MYO7B: variants seen among roughly 807,000 people sequenced by gnomAD.
MYO7B encodes unconventional myosin-VIIb.
In MYO7B, 212 loss-of-function variants were observed where a neutral mutation model predicts 259.7. The ratio of observed to expected loss-of-function variants is 0.82; its 90% CI spans 0.73 to 0.91. The LOEUF is 0.91. Among genes scored for constraint, MYO7B ranks in the 40% least tolerant of loss-of-function variants. The pLI is 0.00. For missense variants in MYO7B, 2,732 were observed against 2,813.5 expected (o/e 0.97, Z 0.66); for synonymous variants, 1,197 against 1,166.4 (o/e 1.03, Z -0.54).
rs1053100122 is a variant in MYO7B at position 127,623,230 on chromosome 2, T to A, written c.3674T>A (p.Ile1225Asn). ...GTCAAGTCCAAGAAGCACATCCCCATCCAAGTCATCTTGGCCACTGGAGAG... is the reference window on the plus strand; with the variant it reads ...GTCAAGTCCAAGAAGCACATCCCCAACCAAGTCATCTTGGCCACTGGAGAG... ...QAVKSKKHIP[I>N]QVILATGESL... The change falls in exon 29 of 48, where the codon ATC becomes AAC. Residue 1225 changes from isoleucine to asparagine, a missense_variant. This residue lies in a region of MYO7B where 1,906 missense variants were observed against 2,026.4 expected (regional missense o/e 0.94). Coordinates refer to ENST00000409816, the MANE Select transcript of MYO7B (RefSeq NM_001393586.1). 3.1e-6 allele frequency: 5 copies of A among 1,613,458 alleles called. No homozygotes were observed. The highest frequency in any genetic ancestry group is 4.2e-6 in the Non-Finnish European group (5 of 1,179,774).
rs1255180494 is a variant in MYO7B, at chr2:127,596,400, C to T, written c.2245-62C>T. On this transcript the variant is annotated intron_variant, in intron 18 of 47. Coordinates refer to ENST00000409816, the MANE Select transcript of MYO7B (RefSeq NM_001393586.1). ...CTACCTTCGGGAGACAGAGCCCTGG[C>T]CCCAGGCAGGGGCTGTAGGGTGAGG... 5 of 1,361,114 alleles carry T rather than the reference C, an allele frequency of 3.7e-6. No homozygotes were observed. In the African/African-American group the frequency reaches 5.7e-5, roughly 16 times the overall value. 84.3% of individuals were successfully genotyped at this position (1,361,114 alleles called of 1,614,324 possible).
chr2:127,634,453 G>C (rs1681685202), intron 41 of MYO7B, 143 bp from the exon 42 acceptor site: 5 of 880,110 alleles, frequency 5.7e-6, no homozygotes, highest in Middle Eastern at 2.2e-4. Flanking sequence ...AGCAGAGCCA[G>C]CTCCACACGC....
At chr2:127,596,990 G>A (rs1679796519) in intron 19 of MYO7B, among the ~76,000 whole-genome samples, 1 of 152,234 alleles carries the variant, frequency 6.6e-6, no homozygotes, top group Admixed American at 6.5e-5. Flanking sequence ...CTGCTGCCTT[G>A]CCCCACCCTC....
rs757255019 is a variant in MYO7B at position 127,622,001 on chromosome 2, GCCAAGGGC to G, written c.3547_3554del (p.Gln1183GlyfsTer107). 5.2e-6 allele frequency: 8 copies of G among 1,551,758 alleles called. No homozygotes were observed. The South Asian group carries it at 8.3e-5, about 16-fold the overall frequency. On this transcript the variant is annotated frameshift_variant, in exon 28 of 48. Coordinates refer to ENST00000409816, the MANE Select transcript of MYO7B (RefSeq NM_001393586.1). LOFTEE classifies it high-confidence loss of function. ...CACCAGTATCTACTGAACTTCATCG[GCCAAGGGC>G]CGGCGACCTACGGCCCCTTCTGTGC...
At chr2:127,578,788 T>C (rs932891592) in intron 9 of MYO7B, among the ~76,000 whole-genome samples, 3 of 151,926 alleles carry the variant, frequency 2.0e-5, no homozygotes, top group African/African-American at 7.3e-5. Context: ...AACAAGGAAA[T>C]GAGATACCAT....
rs771875661 is a variant in MYO7B at position 127,566,769 on chromosome 2, G to T, written c.412G>T (p.Ala138Ser). ...GELPPHVFAIANNCYFSMKRN... is the reference protein window; with the variant it reads ...GELPPHVFAISNNCYFSMKRN... ...GCTGCCCCCGCATGTCTTTGCCATCGCCAACAACTGCTACTTCAGCATGAA... is the reference window on the plus strand; with the variant it reads ...GCTGCCCCCGCATGTCTTTGCCATCTCCAACAACTGCTACTTCAGCATGAA... The change falls in exon 5 of 48, where the codon GCC becomes TCC. Residue 138 changes from alanine (A) to serine (S), a missense_variant. Physicochemically the swap from Ala to Ser is moderately conservative, Grantham distance 99 (BLOSUM62 1). Coordinates refer to ENST00000409816, the MANE Select transcript of MYO7B (RefSeq NM_001393586.1). 2.5e-6 allele frequency: 4 copies of T among 1,612,472 alleles called. No individual in the cohort carries two copies. Among genetic ancestry groups the T allele is most frequent in the Non-Finnish European group, 1.7e-6 (2 of 1,179,844 alleles).
intron 6 of MYO7B, 76 bp downstream of exon 6, chr2:127,569,986 G>A (rs1678526656): frequency 2.7e-6 from 4 of 1,490,682 alleles, no homozygotes. Context: ...CCATGGGGAG[G>A]GACAGGATAG....
Position 127,625,536 on chromosome 2 carries a change from G to T in MYO7B, c.4215+1G>T, listed in dbSNP as rs1681065872. The T allele has an allele frequency of 1.3e-6, 2 of 1,596,226 alleles. No individual in the cohort carries two copies. The highest frequency in any genetic ancestry group is 1.7e-6 in the Non-Finnish European group (2 of 1,170,658). On this transcript the variant is annotated splice_donor_variant, in intron 31 of 47. Transcript: ENST00000409816. LOFTEE classifies it high-confidence loss of function. ...CCTCGTCACTGCCGCCTGCGCCAAG[G>T]TCAGCCTGCATGCAGCTCAGGCACC...
Position 127,611,665 on chromosome 2 carries a change from G to A in MYO7B, c.3193-585G>A, listed in dbSNP as rs1680392488. Among the ~76,000 whole-genome samples, 1 of 152,056 alleles carries A rather than the reference G, an allele frequency of 6.6e-6. No homozygotes were observed. The highest frequency in any genetic ancestry group is 6.5e-5 in the Admixed American group (1 of 15,268). Reference sequence around the variant, plus strand: ...CCCCACCCAAGCTCAGTCCCACACTGAGCTCCAATTTTGGCAGCAAATTCT... The same window carrying A: ...CCCCACCCAAGCTCAGTCCCACACTAAGCTCCAATTTTGGCAGCAAATTCT... On this transcript the variant is annotated intron_variant, in intron 24 of 47. Coordinates refer to ENST00000409816, the MANE Select transcript of MYO7B (RefSeq NM_001393586.1). The surrounding 1 kb of genome is among the most constrained non-coding windows in gnomAD (Gnocchi z 5.4).
At position 127,593,614 on chromosome 2, in the gene MYO7B, GAAAGCGGGGAAGACAAA is replaced by G. The variant is rs749176979; in HGVS notation, c.2217_2233del (p.Lys739AsnfsTer70). ...TGTGGCTGCGGACAGACAAAGACTG[GAAAGCGGGGAAGACAAA>G]AATTTTCCTGAGGGTGAGACCCCGA... is the stretch of plus-strand genomic sequence containing the variant. On this transcript the variant is annotated frameshift_variant, in exon 18 of 48. Transcript: ENST00000409816. LOFTEE classifies it high-confidence loss of function. 1 of 1,613,628 alleles carries G rather than the reference GAAAGCGGGGAAGACAAA, an allele frequency of 6.2e-7. No homozygotes were observed. Among genetic ancestry groups the G allele is most frequent in the Non-Finnish European group, 8.5e-7 (1 of 1,179,860 alleles).
intron 19 of MYO7B, among the ~76,000 whole-genome samples, chr2:127,601,255 A>G (rs1035536237): frequency 3.9e-5 from 6 of 152,196 alleles, no homozygotes; most frequent in African/African-American, 1.4e-4. Context: ...CTCTCTTGGT[A>G]TATATTCTAA....
chr2:127,602,841 A>T (rs1269030934), intron 19 of MYO7B, among the ~76,000 whole-genome samples: 1 of 152,120 alleles, frequency 6.6e-6, no homozygotes, highest in Non-Finnish European at 1.5e-5. Flanking sequence ...TCTACTAAAA[A>T]TACAAAAAAT....
intron 1 of MYO7B, among the ~76,000 whole-genome samples, chr2:127,537,307 G>T (rs773497842): frequency 4.6e-5 from 7 of 152,192 alleles, no homozygotes; most frequent in Admixed American, 1.3e-4. Flanking sequence ...TTCTTGGAAG[G>T]TCAGATAACC....
rs1277697345 is a variant in MYO7B at position 127,627,614 on chromosome 2, A to G, written c.4460+304A>G. On this transcript the variant is annotated intron_variant, in intron 33 of 47. Coordinates refer to ENST00000409816, the MANE Select transcript of MYO7B (RefSeq NM_001393586.1). This position sits in a 1 kb window ranked among gnomAD's most constrained non-coding sequence, Gnocchi z 5.6. ...AGCCTCTGGCGGGCACTTATTTAGA[A>G]GGCTCCTTTCTTTGTCATGGACGAG... The G allele has an allele frequency of 2.0e-6, 1 of 509,642 alleles. No individual in the cohort carries two copies. The highest frequency in any genetic ancestry group is 1.5e-5 in the South Asian group (1 of 65,026). 31.6% of individuals were successfully genotyped at this position (509,642 alleles called of 1,614,324 possible). A position where few individuals can be genotyped will look rare whatever the true frequency, so the allele number is the denominator to read the frequency against.
At position 127,609,761 on chromosome 2, in the gene MYO7B, C is replaced by T. The variant is rs1307233397; in HGVS notation, c.3024+46C>T. ...CTAGTGGATCAGGCCAGCCCCGAGC[C>T]TGGGGTGTGAGCTATGGCTCGGGGA... On this transcript the variant is annotated intron_variant, in intron 23 of 47. Transcript: ENST00000409816. The surrounding 1 kb of genome is among the most constrained non-coding windows in gnomAD (Gnocchi z 6.9). The T allele has an allele frequency of 1.2e-6, 2 of 1,612,474 alleles. No individual in the cohort carries two copies. Among genetic ancestry groups the T allele is most frequent in the East Asian group, 4.5e-5 (2 of 44,844 alleles).
Position 127,597,916 on chromosome 2 carries a change from G to A in MYO7B, c.2339+1360G>A, listed in dbSNP as rs1679834171. On this transcript the variant is annotated intron_variant, in intron 19 of 47. Transcript: ENST00000409816. The surrounding 1 kb of genome is among the most constrained non-coding windows in gnomAD (Gnocchi z 4.8). ...GCCTCTCAAAGTGCTGGGATTGCAG[G>A]TGTGAGCCACTGCGCCCAGCCAGTA... Among the ~76,000 whole-genome samples the A allele has an allele frequency of 6.6e-6, 1 of 152,052 alleles. No individual in the cohort carries two copies. Among genetic ancestry groups the A allele is most frequent in the African/African-American group, 2.4e-5 (1 of 41,380 alleles).
Position 127,633,088 on chromosome 2 carries a change from G to A in MYO7B, c.5406-170G>A, listed in dbSNP as rs371277912. ...GCACCATCACTACCTCTGAGGCCGCGTGGAGCCAGGGGCAGCCCCCAGGAC... is the reference window on the plus strand; with the variant it reads ...GCACCATCACTACCTCTGAGGCCGCATGGAGCCAGGGGCAGCCCCCAGGAC... On this transcript the variant is annotated intron_variant, in intron 39 of 47. Transcript: ENST00000409816. Among the ~76,000 whole-genome samples the A allele has an allele frequency of 1.9e-3, 286 of 152,318 alleles. 13 individuals carry two copies. In the South Asian group the frequency reaches 0.049, roughly 26 times the overall value.
chr2:127,620,469 G>A lies in MYO7B; in HGVS notation c.3525+3G>A, dbSNP rs1004263093. 6 of 1,347,380 alleles carry A rather than the reference G, an allele frequency of 4.5e-6. No individual in the cohort carries two copies. The highest frequency in any genetic ancestry group is 3.2e-5 in the East Asian group (1 of 31,672). 83.5% of individuals were successfully genotyped at this position (1,347,380 alleles called of 1,614,324 possible). The stretch of plus-strand genomic sequence containing the variant: ...CACCCTCAGAGAGGTTCATGAAGGT[G>A]AGAGGGTTCATGAAGGGAGGGCGGG... On this transcript the variant is annotated splice_donor_region_variant and intron_variant, in intron 27 of 47. Coordinates refer to ENST00000409816, the MANE Select transcript of MYO7B (RefSeq NM_001393586.1).
At chr2:127,592,245 C>T (rs1187238089) in intron 16 of MYO7B, among the ~76,000 whole-genome samples, 2 of 152,090 alleles carry the variant, frequency 1.3e-5, no homozygotes, top group East Asian at 3.9e-4. Flanking sequence ...AAATACAAAA[C>T]TTACCCGGGC....
Sources: gnomAD v4.1 joint callset for allele counts (sites outside exome capture counted in the v4.1 genomes callset) on GRCh38, gnomAD v4.1.1 for gene constraint, gnomAD v4.1.1 regional missense constraint, Gnocchi (gnomAD v3.1) non-coding constraint, MANE v1.5 for transcripts, NCBI Gene and HGNC (gene_info 2026-07-23, HGNC 2026-07-21) for gene names.